Variants in KLF5 observed in about 807,000 individuals in gnomAD.
KLF5 encodes KLF transcription factor 5.
Under a neutral mutation model 36.9 loss-of-function variants are expected in KLF5, and 9 were observed. The ratio of observed to expected loss-of-function variants is 0.24; its 90% CI spans 0.15 to 0.43. KLF5 has a LOEUF of 0.43. Among genes scored for constraint, KLF5 ranks in the 20% least tolerant of loss-of-function variants. The pLI, the probability that KLF5 is intolerant of heterozygous loss-of-function variation, is 1.00. For missense variants in KLF5, 524 were observed against 599.5 expected, an observed-to-expected ratio of 0.87 and a Z score of 1.31; for synonymous variants, 246 against 241.7, an observed-to-expected ratio of 1.02 and a Z score of -0.17.
At chr13:73,062,803 G>A (rs1594393719) in intron 2 of KLF5, 69 bp downstream of exon 2, 21 of 1,376,346 alleles carry the variant, frequency 1.5e-5, no homozygotes, top group Middle Eastern at 1.8e-4. Context: ...GTGTGCGCGC[G>A]CGTGTGCGTG....
chr13:73,074,116 A>C (rs1354591144), intron 3 of KLF5, among the ~76,000 whole-genome samples: 1 of 152,198 alleles, frequency 6.6e-6, no homozygotes, highest in Non-Finnish European at 1.5e-5. Context: ...AAGGGAAAAA[A>C]AATTGGGACC....
intron 3 of KLF5, among the ~76,000 whole-genome samples, chr13:73,065,620 AAATACAAATGACAAG>A (rs1328553359): frequency 3.3e-5 from 5 of 152,238 alleles, no homozygotes; most frequent in Non-Finnish European, 5.9e-5. Context: ...AAAGTTTTCA[AAATACAAATGACAAG>A]TGCCAGGAAA....
At position 73,059,825 on chromosome 13, in the gene KLF5, G is replaced by T. The variant is rs1052907039; in HGVS notation, c.261+237G>T. The T allele has an allele frequency of 3.1e-6, 3 of 954,066 alleles. No homozygotes were observed. The African/African-American group carries it at 5.3e-5, about 17-fold the overall frequency. The allele number at this position is 954,066 out of a possible 1,614,324, so 59.1% of individuals were successfully genotyped here. ...GATGGAGGGGAATCTGCCCCGGCGG[G>T]TCGGCCTGGGAGAGGTAAGAGGGAG... On this transcript the variant is annotated intron_variant, in intron 1 of 3. Coordinates refer to ENST00000377687, the MANE Select transcript of KLF5 (RefSeq NM_001730.5).
chr13:73,062,878 A>G (rs1464729951), intron 2 of KLF5, 144 bp downstream of exon 2: 4 of 601,606 alleles, frequency 6.6e-6, no homozygotes, highest in African/African-American at 1.8e-5. Flanking sequence ...TGACAGTAAA[A>G]AAAAAAAAAA....
chr13:73,066,230 T>C (rs1395556752), intron 3 of KLF5, among the ~76,000 whole-genome samples: 2 of 152,160 alleles, frequency 1.3e-5, no homozygotes, highest in African/African-American at 2.4e-5. Context: ...TTCTAGACAA[T>C]GCCTTTTAAA....
At chr13:73,060,896 T>TC (rs1459786384) in intron 1 of KLF5, among the ~76,000 whole-genome samples, 1 of 152,216 alleles carries the variant, frequency 6.6e-6, no homozygotes, top group African/African-American at 2.4e-5. Context: ...AGAAAAGAGA[T>TC]CACCGTTTGA....
At chr13:73,059,739 G>A in intron 1 of KLF5, 151 bp downstream of exon 1, 1 of 773,870 alleles carries the variant, frequency 1.3e-6, no homozygotes, top group Non-Finnish European at 1.6e-6. Context: ...CGCCCTGCAC[G>A]CCTGGCCGGG....
intron 3 of KLF5, among the ~76,000 whole-genome samples, chr13:73,075,398 T>TAGG (rs2044752244): frequency 6.6e-6 from 1 of 152,218 alleles, no homozygotes; most frequent in African/African-American, 2.4e-5. Context: ...TTTATGTGTG[T>TAGG]AGGAGTACAT....
chr13:73,075,320 G>A (rs1173907347), intron 3 of KLF5, among the ~76,000 whole-genome samples: 2 of 152,178 alleles, frequency 1.3e-5, no homozygotes, highest in Non-Finnish European at 2.9e-5. Context: ...ATTTGGGTTT[G>A]TTGGTATAGA....
chr13:73,059,524 A>G lies in KLF5; in HGVS notation c.197A>G (p.Gln66Arg). The G allele has an allele frequency of 8.3e-7, 1 of 1,199,524 alleles. No individual in the cohort carries two copies. The highest frequency in any genetic ancestry group is 1.6e-5 in the African/African-American group (1 of 62,540). The allele number at this position is 1,199,524 out of a possible 1,614,324, so 74.3% of individuals were successfully genotyped here. Residue 66 changes from glutamine (Q) to arginine (R), a missense_variant, in exon 1 of 4, where the codon CAG becomes CGG. Gln to Arg is a conservative substitution (Grantham distance 43). Coordinates refer to ENST00000377687, the MANE Select transcript of KLF5 (RefSeq NM_001730.5). ...CCGCAGGCGCAGCCCGCGCCCGCGC[A>G]GGCCCCGCAGCCGGCCCAGCCGCCC... The part of the protein sequence containing the change: ...HRPQAQPAPA[Q>R]APQPAQPPAT...
upstream of KLF5, among the ~76,000 whole-genome samples, chr13:73,056,535 C>T (rs1359616384): frequency 6.6e-6 from 1 of 152,186 alleles, no homozygotes; most frequent in Non-Finnish European, 1.5e-5. Context: ...ACCCTTTTTA[C>T]TAAGTCGGTG....
intron 3 of KLF5, among the ~76,000 whole-genome samples, chr13:73,072,215 C>T (rs913971083): frequency 2.4e-4 from 34 of 144,174 alleles, no homozygotes; most frequent in Admixed American, 1.3e-3. Flanking sequence ...GTTCAGAAGT[C>T]ATTCAGAGGG....
chr13:73,062,798 CGCGCGCGTGTGCGTGTGT>C (rs2044648950), intron 2 of KLF5, 64 bp downstream of exon 2: 3 of 1,276,466 alleles, frequency 2.4e-6, no homozygotes, highest in African/African-American at 3.3e-5. Flanking sequence ...TGTCTGTGTG[CGCGCGCGTGTGCGTGTGT>C]GCACGCGCGT....
chr13:73,059,074 A>G lies in KLF5; in HGVS notation c.-254A>G, dbSNP rs1309945117. 3 of 344,026 alleles carry G rather than the reference A, an allele frequency of 8.7e-6. No individual in the cohort carries two copies. Among genetic ancestry groups the G allele is most frequent in the Non-Finnish European group, 1.6e-5 (3 of 191,686 alleles). 21.3% of individuals were successfully genotyped at this position (344,026 alleles called of 1,614,324 possible). A position where few individuals can be genotyped will look rare whatever the true frequency, so the allele number is the denominator to read the frequency against. ...CGGCGGTGGCGGGAGCGGGCTCCGGAGAGCCTGAGAGCACGGTGGGGCGGG... is the reference window on the plus strand; with the variant it reads ...CGGCGGTGGCGGGAGCGGGCTCCGGGGAGCCTGAGAGCACGGTGGGGCGGG... On this transcript the variant is annotated 5_prime_UTR_variant, in exon 1 of 4. Coordinates refer to ENST00000377687, the MANE Select transcript of KLF5 (RefSeq NM_001730.5).
chr13:73,058,462 T>G (rs73518685), upstream of KLF5, among the ~76,000 whole-genome samples: 1,314 of 152,310 alleles, frequency 8.6e-3, 25 homozygotes, highest in African/African-American at 0.03. Flanking sequence ...TGTTTTAAAT[T>G]TGTTTATCAC....
At chr13:73,070,807 A>G (rs2044717375) in intron 3 of KLF5, among the ~76,000 whole-genome samples, 1 of 152,144 alleles carries the variant, frequency 6.6e-6, no homozygotes, top group Admixed American at 6.6e-5. Context: ...ACAATAACTC[A>G]TTCGATTATT....
Position 73,064,312 on chromosome 13 carries a change from C to T in KLF5, c.1195+429C>T, listed in dbSNP as rs775820082. Among the ~76,000 whole-genome samples the T allele has an allele frequency of 3.3e-5, 5 of 152,146 alleles. No individual in the cohort carries two copies. The South Asian group carries it at 8.3e-4, about 25-fold the overall frequency. On this transcript the variant is annotated intron_variant, in intron 3 of 3. Coordinates refer to ENST00000377687, the MANE Select transcript of KLF5 (RefSeq NM_001730.5). ...GAGTGTACTGCATAATTGGTGAAAA[C>T]GTTAGTTTCACCTCTAGGTTAAAAT...
intron 3 of KLF5, among the ~76,000 whole-genome samples, chr13:73,071,530 T>A (rs1426243352): frequency 6.6e-6 from 1 of 151,964 alleles, no homozygotes; most frequent in Admixed American, 6.6e-5. Flanking sequence ...ATTAGTGAGC[T>A]AAAATCATCC....
At chr13:73,062,772 AGTG>A (rs2044647726) in intron 2 of KLF5, 38 bp downstream of exon 2, 24 of 1,438,926 alleles carry the variant, frequency 1.7e-5, no homozygotes, top group Non-Finnish European at 2.3e-5. Context: ...CAATAGATGT[AGTG>A]TGTGTGTGTG....
Sources: gnomAD v4.1 joint callset for allele counts (sites outside exome capture counted in the v4.1 genomes callset) on GRCh38, gnomAD v4.1.1 for gene constraint, MANE v1.5 for transcripts, NCBI Gene and HGNC (gene_info 2026-07-23, HGNC 2026-07-21) for gene names.